GPHN: variants seen among roughly 807,000 people sequenced by gnomAD.
GPHN encodes the protein gephyrin.
GPHN carries 17 observed loss-of-function variants against 95.5 expected under a neutral mutation model. The observed-to-expected ratio is 0.18, with a 90% CI of 0.12 to 0.27. The LOEUF is 0.27. GPHN is among the 10% of genes least tolerant of loss of function. The pLI, the probability that GPHN is intolerant of heterozygous loss-of-function variation, is 1.00. For synonymous variants in GPHN, 320 were observed against 322.5 expected (o/e 0.99, Z 0.08); for missense variants, 660 against 978.1 (o/e 0.67, Z 4.34).
intron 2 of GPHN, among the ~76,000 whole-genome samples, chr14:66,742,828 CTCTGCTT>C (rs1391858627): frequency 6.6e-6 from 1 of 152,168 alleles, no homozygotes; most frequent in Non-Finnish European, 1.5e-5. Context: ...GTGGCGCGAT[CTCTGCTT>C]ACTGCAAGCC....
chr14:67,482,118 G>A, the GPHN span, among the ~76,000 whole-genome samples: 3 of 152,192 alleles, frequency 2.0e-5, no homozygotes, highest in Non-Finnish European at 4.4e-5. Context: ...GACTCAAGGT[G>A]ACTTGTGAGG....
chr14:66,786,125 G>T (rs2153466909), intron 3 of GPHN, among the ~76,000 whole-genome samples: 1 of 152,192 alleles, frequency 6.6e-6, no homozygotes, highest in East Asian at 1.9e-4. Flanking sequence ...AAAGCTCAAA[G>T]AAATTGGTAA....
chr14:66,637,262 G>GATAAAAT (rs1426553852), intron 1 of GPHN, among the ~76,000 whole-genome samples: 1 of 152,056 alleles, frequency 6.6e-6, no homozygotes, highest in African/African-American at 2.4e-5. Flanking sequence ...TTGCACTTAG[G>GATAAAAT]ATAAAATACA....
chr14:67,126,459 A>T (rs2079322801), intron 17 of GPHN, among the ~76,000 whole-genome samples: 1 of 152,202 alleles, frequency 6.6e-6, no homozygotes, highest in Non-Finnish European at 1.5e-5. Flanking sequence ...TTTAGATAGG[A>T]AAAGAGAGTG....
At chr14:67,675,991 G>A in the GPHN span, among the ~76,000 whole-genome samples, 1 of 152,120 alleles carries the variant, frequency 6.6e-6, no homozygotes, top group East Asian at 1.9e-4. Flanking sequence ...CAGCTACTCG[G>A]GAGGCTGAGG....
the GPHN span, among the ~76,000 whole-genome samples, chr14:67,299,443 A>G: frequency 8.5e-5 from 13 of 152,338 alleles, no homozygotes; most frequent in South Asian, 1.0e-3. Flanking sequence ...CACATTTAAC[A>G]TACATCATTT....
At chr14:67,111,115 A>G (rs1224544791) in intron 14 of GPHN, among the ~76,000 whole-genome samples, 5 of 152,256 alleles carry the variant, frequency 3.3e-5, no homozygotes, top group African/African-American at 9.6e-5. Flanking sequence ...CCATGCCAAG[A>G]GACAGACACT....
the GPHN span, among the ~76,000 whole-genome samples, chr14:67,259,865 T>C: frequency 1.3e-5 from 2 of 148,768 alleles, no homozygotes; most frequent in Non-Finnish European, 2.9e-5. Context: ...TGAGCTATGA[T>C]TGTGCTCCAT....
intron 9 of GPHN, among the ~76,000 whole-genome samples, chr14:67,017,175 A>C (rs571273381): frequency 6.6e-6 from 1 of 152,236 alleles, no homozygotes; most frequent in African/African-American, 2.4e-5. Flanking sequence ...TGATATCATA[A>C]ATCTAATTAA....
intron 1 of GPHN, among the ~76,000 whole-genome samples, chr14:66,588,892 G>C (rs2061528466): frequency 6.6e-6 from 1 of 152,040 alleles, no homozygotes; most frequent in Admixed American, 6.6e-5. Context: ...ACACCACAAA[G>C]ATACTACTAG....
chr14:66,914,840 T>C (rs1466840434), intron 5 of GPHN, among the ~76,000 whole-genome samples: 1 of 152,068 alleles, frequency 6.6e-6, no homozygotes, highest in Non-Finnish European at 1.5e-5. Flanking sequence ...ACAAAATTCC[T>C]AAGTAAACAG....
chr14:67,025,183 A>G (rs2073861223), intron 10 of GPHN, among the ~76,000 whole-genome samples: 1 of 152,152 alleles, frequency 6.6e-6, no homozygotes, highest in Non-Finnish European at 1.5e-5. Flanking sequence ...TCCTTTGATA[A>G]TCTAACTAAA....
chr14:66,650,466 C>T (rs559284293), intron 1 of GPHN, among the ~76,000 whole-genome samples: 1 of 152,316 alleles, frequency 6.6e-6, no homozygotes, highest in South Asian at 2.1e-4. Context: ...GGACATATTT[C>T]ATGAACTTTT....
In GPHN at chr14:67,048,074, C is replaced by CA. The variant is rs201468681; in HGVS notation, c.1007-10568dup. 1.2e-3 allele frequency among the ~76,000 whole-genome samples: 187 copies of CA among 152,096 alleles called. 9 individuals are homozygous for CA. The East Asian group carries it at 0.017, about 14-fold the overall frequency. ...GCTCCATTTCAAGATGACCACACCA[C>CA]AAAAAAAGGTTACTGATAGATAACA... is the stretch of plus-strand genomic sequence containing the variant. On this transcript the variant is annotated intron_variant, in intron 10 of 22. Transcript: ENST00000478722.
chr14:66,976,372 G>A lies in GPHN; in HGVS notation c.963+11047G>A, dbSNP rs554992322. Among the ~76,000 whole-genome samples the A allele has an allele frequency of 3.3e-5, 5 of 152,180 alleles. No individual in the cohort carries two copies. In the South Asian group the frequency reaches 6.2e-4, roughly 19 times the overall value. On this transcript the variant is annotated intron_variant, in intron 9 of 22. Transcript: ENST00000478722. ...TTTTTAATTGTTTGGGACATATTTT[G>A]TATAAAACAGCCCAACAAATATAAG...
Position 66,849,223 on chromosome 14 carries a change from T to A in GPHN, c.294+24657T>A, listed in dbSNP as rs185032105. ...CCTTTTCATATAATGTAAGCTTTTCTTCATTTAATAACTGTTCTACAAAAA... is the reference window on the plus strand; with the variant it reads ...CCTTTTCATATAATGTAAGCTTTTCATCATTTAATAACTGTTCTACAAAAA... On this transcript the variant is annotated intron_variant, in intron 4 of 22. Transcript: ENST00000478722. Among the ~76,000 whole-genome samples, 11 of 152,088 alleles carry A rather than the reference T, an allele frequency of 7.2e-5. No homozygotes were observed. The East Asian group carries it at 2.1e-3, about 29-fold the overall frequency.
At chr14:67,355,077 G>A in the GPHN span, among the ~76,000 whole-genome samples, 12 of 152,094 alleles carry the variant, frequency 7.9e-5, no homozygotes, top group South Asian at 2.1e-4. Flanking sequence ...CTCACAAAGT[G>A]CTAGGATTAC....
the GPHN span, among the ~76,000 whole-genome samples, chr14:67,272,722 G>A: frequency 6.6e-6 from 1 of 152,118 alleles, no homozygotes; most frequent in African/African-American, 2.4e-5. Context: ...GCAGTGGCAC[G>A]ATCTTGGCTC....
intron 21 of GPHN, among the ~76,000 whole-genome samples, chr14:67,172,056 C>T (rs75860609): frequency 0.012 from 1,829 of 152,270 alleles, 19 homozygotes; most frequent in Non-Finnish European, 0.018. Context: ...GCCTGTGCAA[C>T]TACTGCACTA....
Sources: gnomAD v4.1 joint callset for allele counts (sites outside exome capture counted in the v4.1 genomes callset) on GRCh38, gnomAD v4.1.1 for gene constraint, MANE v1.5 for transcripts, NCBI Gene and HGNC (gene_info 2026-07-23, HGNC 2026-07-21) for gene names.